NRG4: variants seen among roughly 807,000 people sequenced by gnomAD.
NRG4 encodes the protein pro-neuregulin-4, membrane-bound isoform.
Under a neutral mutation model 15.0 loss-of-function variants are expected in NRG4, and 10 were observed. That is an observed-to-expected ratio of 0.67 (90% CI 0.41 to 1.13). NRG4 has a LOEUF of 1.13. Ranked by LOEUF, NRG4 falls within the 50% of genes most tolerant of loss-of-function variation. The pLI, the probability that NRG4 is intolerant of heterozygous loss-of-function variation, is 0.00. For missense variants in NRG4, 139 were observed against 140.2 expected (o/e 0.99, Z 0.04); for synonymous variants, 41 against 50.1 (o/e 0.82, Z 0.77).
At chr15:75,975,221 C>G (rs1281725867) in intron 3 of NRG4, among the ~76,000 whole-genome samples, 1 of 152,002 alleles carries the variant, frequency 6.6e-6, no homozygotes, top group African/African-American at 2.4e-5. Flanking sequence ...TCCTCCATCC[C>G]TTTATTTTGA....
intron 4 of NRG4, among the ~76,000 whole-genome samples, chr15:76,045,340 G>A (rs2035845262): frequency 6.6e-6 from 1 of 150,934 alleles, no homozygotes; most frequent in Admixed American, 6.6e-5. Context: ...TACTGTTGGT[G>A]GGAACCACTA....
rs1474215201 is a variant in NRG4 at position 76,009,203 on chromosome 15, C to A, written c.101G>T (p.Cys34Phe). The change falls in exon 3 of 6, where the codon TGT (cysteine) becomes TTT (phenylalanine). Residue 34 changes from cysteine (C) to phenylalanine (F), a missense_variant. Transcript: ENST00000394907. ...YVIPTIPSPF[C>F]RCVENYTGAR... ...CCCCCTAGTCCATTTCACTCACCTACAAAATGGGCTGGGAATAGTAGGTAT... is the reference window on the plus strand; with the variant it reads ...CCCCCTAGTCCATTTCACTCACCTAAAAAATGGGCTGGGAATAGTAGGTAT... 2.6e-6 allele frequency: 4 copies of A among 1,525,088 alleles called. No homozygotes were observed. The highest frequency in any genetic ancestry group is 3.6e-6 in the Non-Finnish European group (4 of 1,099,030). 94.5% of individuals were successfully genotyped at this position (1,525,088 alleles called of 1,614,324 possible).
chr15:75,944,234 AGT>A (rs1350163741), intron 5 of NRG4, among the ~76,000 whole-genome samples: 1 of 152,190 alleles, frequency 6.6e-6, no homozygotes. Flanking sequence ...CTCATTGTAG[AGT>A]GAGAATAATA....
rs575235967 is a variant in NRG4, at chr15:76,045,427, T to C, written c.-105+6640A>G. On this transcript the variant is annotated intron_variant, in intron 4 of 8. Coordinates refer to the NRG4 transcript ENST00000563910. Reference sequence around the variant, plus strand: ...GACCCAGCAATTGCACTCTGAGATATACACCCAAAAGAAAGGAAGTCAGTA... The same window carrying C: ...GACCCAGCAATTGCACTCTGAGATACACACCCAAAAGAAAGGAAGTCAGTA... 5.3e-5 allele frequency among the ~76,000 whole-genome samples: 8 copies of C among 151,078 alleles called. No homozygotes were observed. The East Asian group carries it at 1.5e-3, about 29-fold the overall frequency.
At chr15:76,040,839 C>T (rs1448378538) in intron 4 of NRG4, among the ~76,000 whole-genome samples, 9 of 152,158 alleles carry the variant, frequency 5.9e-5, no homozygotes, top group Admixed American at 1.3e-4. Context: ...GCAGGAAAAT[C>T]GTTTGAACCC....
At chr15:75,984,916 T>C (rs2033741493) in intron 3 of NRG4, among the ~76,000 whole-genome samples, 1 of 152,180 alleles carries the variant, frequency 6.6e-6, no homozygotes, top group African/African-American at 2.4e-5. Context: ...GCAATCTCAG[T>C]TCACTGCAAC....
At chr15:75,999,092 T>C (rs371907352) in intron 3 of NRG4, among the ~76,000 whole-genome samples, 225 of 152,288 alleles carry the variant, frequency 1.5e-3, no homozygotes, top group African/African-American at 5.0e-3. Flanking sequence ...TTAATACATA[T>C]AGAGTTTCAC....
At chr15:75,998,767 T>A (rs1018257536) in intron 3 of NRG4, among the ~76,000 whole-genome samples, 4 of 152,140 alleles carry the variant, frequency 2.6e-5, no homozygotes, top group African/African-American at 9.7e-5. Context: ...ATATATAATG[T>A]TAAAAACACT....
chr15:75,998,820 C>T (rs936205788), intron 3 of NRG4, among the ~76,000 whole-genome samples: 5 of 152,132 alleles, frequency 3.3e-5, no homozygotes, highest in Admixed American at 3.3e-4. Flanking sequence ...GAAGACATAT[C>T]AATCCTGGAT....
At chr15:75,945,723 A>G (rs2031462415) in intron 5 of NRG4, 1 of 152,178 alleles carries the variant, frequency 6.6e-6, no homozygotes, top group African/African-American at 2.4e-5. Flanking sequence ...AGGCTGACTG[A>G]CTTTTTATTG....
intron 3 of NRG4, among the ~76,000 whole-genome samples, chr15:75,987,921 T>C (rs1443435748): frequency 6.6e-6 from 1 of 152,218 alleles, no homozygotes; most frequent in African/African-American, 2.4e-5. Flanking sequence ...GAATTTTCGA[T>C]ATACACTGTA....
At chr15:75,952,858 T>G (rs1454578184) in intron 5 of NRG4, among the ~76,000 whole-genome samples, 1 of 152,166 alleles carries the variant, frequency 6.6e-6, no homozygotes, top group Non-Finnish European at 1.5e-5. Flanking sequence ...TGTTTCTTCA[T>G]TAAGTTGTAA....
rs1287335768 is a variant in NRG4, at chr15:76,050,824, G to C, written c.-105+1243C>G. Among the ~76,000 whole-genome samples the C allele has an allele frequency of 8.9e-5, 13 of 145,632 alleles. No homozygotes were observed. The East Asian group carries it at 2.5e-3, about 29-fold the overall frequency. On this transcript the variant is annotated intron_variant, in intron 4 of 8. Transcript: ENST00000563910. ...CCAAAACTAATTTTTTTTTTTTTAA[G>C]ATATGGGGTCTCAGTCTGTCACCCA...
At chr15:75,972,871 T>C (rs1014316182) in intron 3 of NRG4, among the ~76,000 whole-genome samples, 22 of 152,344 alleles carry the variant, frequency 1.4e-4, no homozygotes, top group African/African-American at 1.4e-4. Context: ...TTTGGTTCCA[T>C]ATGAAATTTA....
intron 5 of NRG4, among the ~76,000 whole-genome samples, chr15:76,030,397 T>C (rs933975891): frequency 6.6e-6 from 1 of 151,978 alleles, no homozygotes; most frequent in African/African-American, 2.4e-5. Flanking sequence ...CATAGACCAA[T>C]GGAACAGAAT....
At chr15:75,958,301 C>A (rs1413227864) in intron 4 of NRG4, among the ~76,000 whole-genome samples, 1 of 152,172 alleles carries the variant, frequency 6.6e-6, no homozygotes, top group Non-Finnish European at 1.5e-5. Flanking sequence ...CATCAGCCAC[C>A]GTGCCCGGCC....
In NRG4 at chr15:75,941,536, GATGA is replaced by G. The variant is rs1252662911; in HGVS notation, c.*2098_*2101del. The G allele has an allele frequency of 6.6e-6, 1 of 152,152 alleles. No individual in the cohort carries two copies. Among genetic ancestry groups the G allele is most frequent in the Non-Finnish European group, 1.5e-5 (1 of 68,012 alleles). The allele number at this position is 152,152 out of a possible 1,614,324, so 9.4% of individuals were successfully genotyped here. On this transcript the variant is annotated 3_prime_UTR_variant, in exon 6 of 6. Transcript: ENST00000394907. ...GTAGAAACAACCCAAATACCCAACA[GATGA>G]ATGGATAGACAAAATGTGTTATATC... is the stretch of plus-strand genomic sequence containing the variant.
chr15:75,939,850 T>A (rs2030754341), downstream of NRG4: 2 of 151,982 alleles, frequency 1.3e-5, no homozygotes, highest in East Asian at 3.9e-4. Context: ...TTAAAAACAC[T>A]CAACAAATGA....
chr15:75,974,863 A>G (rs987028825), intron 3 of NRG4, among the ~76,000 whole-genome samples: 1 of 152,198 alleles, frequency 6.6e-6, no homozygotes, highest in Non-Finnish European at 1.5e-5. Context: ...GTAGACGTCT[A>G]TTAGGTCTGC....
Sources: allele counts gnomAD v4.1 joint callset (sites outside exome capture counted in the v4.1 genomes callset), GRCh38; gene constraint gnomAD v4.1.1; transcripts MANE v1.5; gene names NCBI Gene and HGNC (gene_info 2026-07-23, HGNC 2026-07-21).